FAF1: variants seen among roughly 807,000 people sequenced by gnomAD.
FAF1 encodes the protein Fas associated factor 1.
FAF1 carries 25 observed loss-of-function variants against 92.5 expected under a neutral mutation model. The observed-to-expected ratio is 0.27, with a 90% CI of 0.20 to 0.38. The LOEUF (loss-of-function observed/expected upper bound fraction) is 0.38. Ranked by LOEUF, FAF1 falls within the 10% of genes least tolerant of loss-of-function variation. The pLI, the probability that FAF1 is intolerant of heterozygous loss-of-function variation, is 1.00. For missense variants in FAF1, 636 were observed against 793.3 expected, an observed-to-expected ratio of 0.80 and a Z score of 2.38; for synonymous variants, 234 against 273.2, an observed-to-expected ratio of 0.86 and a Z score of 1.42.
At chr1:50,676,048 T>A (rs2124352652) in intron 7 of FAF1, among the ~76,000 whole-genome samples, 1 of 152,322 alleles carries the variant, frequency 6.6e-6, no homozygotes, top group Admixed American at 6.5e-5. Flanking sequence ...TCCTAACATT[T>A]CACACTGCCA....
intron 1 of FAF1, among the ~76,000 whole-genome samples, chr1:50,915,226 T>C (rs1054425064): frequency 3.9e-5 from 6 of 151,982 alleles, no homozygotes; most frequent in African/African-American, 1.4e-4. Flanking sequence ...CAAAATCAGC[T>C]GGCCACGGTG....
intron 2 of FAF1, among the ~76,000 whole-genome samples, chr1:50,844,449 T>C (rs1386760712): frequency 6.6e-6 from 1 of 151,974 alleles, no homozygotes; most frequent in Non-Finnish European, 1.5e-5. Context: ...TCCATAAACT[T>C]AATATATTGC....
chr1:50,662,734 C>G lies in FAF1; in HGVS notation c.658-7206G>C, dbSNP rs542096775. Among the ~76,000 whole-genome samples the G allele has an allele frequency of 7.9e-5, 10 of 126,066 alleles. No individual in the cohort carries two copies. The East Asian group carries it at 2.1e-3, about 27-fold the overall frequency. 82.7% of individuals were successfully genotyped at this position (126,066 alleles called of 152,430 possible). A position where few individuals can be genotyped will look rare whatever the true frequency, so the allele number is the denominator to read the frequency against. ...TTTTTGAGACGGAGTCTCCCTCTGTCGCGCCCAGGCTGGAGTGCAGCGGCG... is the reference window on the plus strand; with the variant it reads ...TTTTTGAGACGGAGTCTCCCTCTGTGGCGCCCAGGCTGGAGTGCAGCGGCG... On this transcript the variant is annotated intron_variant, in intron 7 of 18. Transcript: ENST00000396153.
chr1:50,463,837 T>A (rs1407378549), intron 18 of FAF1, among the ~76,000 whole-genome samples: 1 of 152,238 alleles, frequency 6.6e-6, no homozygotes, highest in East Asian at 1.9e-4. Flanking sequence ...CAGGCCCAAC[T>A]GTTCTTAAAA....
chr1:50,607,383 G>A lies in FAF1; in HGVS notation c.745-11167C>T, dbSNP rs551557684. ...TTATCACCTGTATGATGAAAAAATT[G>A]GACTAGATGATTCTCATGTTTTCTC... is the stretch of plus-strand genomic sequence containing the variant. On this transcript the variant is annotated intron_variant, in intron 8 of 18. Coordinates refer to ENST00000396153, the MANE Select transcript of FAF1 (RefSeq NM_007051.3). Among the ~76,000 whole-genome samples the A allele has an allele frequency of 5.4e-4, 82 of 152,170 alleles. 1 individual carries two copies. The highest frequency in any genetic ancestry group is 2.0e-3 in the African/African-American group (81 of 41,526).
At chr1:50,787,908 G>GC (rs1461661998) in intron 4 of FAF1, 92 bp downstream of exon 4, 2 of 1,043,960 alleles carry the variant, frequency 1.9e-6, no homozygotes, top group African/African-American at 3.2e-5. Context: ...TTCCCTTCTT[G>GC]CACTGGTAGT....
intron 15 of FAF1, among the ~76,000 whole-genome samples, chr1:50,526,841 T>TTGTTGTTA (rs1405648747): frequency 1.3e-5 from 2 of 151,932 alleles, no homozygotes; most frequent in Admixed American, 1.3e-4. Flanking sequence ...TTGCTAACAT[T>TTGTTGTTA]TGTTGTTACC....
rs1655800019 is a variant in FAF1 at position 50,670,031 on chromosome 1, G to GA, written c.658-14504dup. Among the ~76,000 whole-genome samples, 3 of 150,106 alleles carry GA rather than the reference G, an allele frequency of 2.0e-5. No individual in the cohort carries two copies. In the South Asian group the frequency reaches 6.3e-4, roughly 32 times the overall value. On this transcript the variant is annotated intron_variant, in intron 7 of 18. Coordinates refer to ENST00000396153, the MANE Select transcript of FAF1 (RefSeq NM_007051.3). The stretch of plus-strand genomic sequence containing the variant: ...AGCTACTTGGGAGGCTGAGGGAGGA[G>GA]AATCGCTTGAACAAGGGAGGTGGAG...
At chr1:50,528,299 G>T (rs1484433484) in intron 15 of FAF1, among the ~76,000 whole-genome samples, 2 of 152,026 alleles carry the variant, frequency 1.3e-5, no homozygotes, top group Non-Finnish European at 2.9e-5. Context: ...CTGGGATTTT[G>T]CATCTTCTCT....
At chr1:50,472,121 G>T (rs776418744) in intron 18 of FAF1, among the ~76,000 whole-genome samples, 24 of 151,978 alleles carry the variant, frequency 1.6e-4, no homozygotes, top group Non-Finnish European at 2.5e-4. Flanking sequence ...CTGGAGGGGA[G>T]CTGGGGGAGC....
chr1:50,788,293 G>T, intron 3 of FAF1, 88 bp from the exon 4 acceptor site: 1 of 1,100,712 alleles, frequency 9.1e-7, no homozygotes, highest in Non-Finnish European at 1.4e-6. Flanking sequence ...GGCTTGTGTT[G>T]TTCTTCCTAT....
intron 1 of FAF1, among the ~76,000 whole-genome samples, chr1:50,895,752 T>C (rs1644752891): frequency 6.6e-6 from 1 of 152,090 alleles, no homozygotes; most frequent in Non-Finnish European, 1.5e-5. Flanking sequence ...CAAATCAATC[T>C]ATGTGACACA....
chr1:50,910,465 C>T (rs2124721079), intron 1 of FAF1, among the ~76,000 whole-genome samples: 1 of 152,352 alleles, frequency 6.6e-6, no homozygotes, highest in African/African-American at 2.4e-5. Flanking sequence ...TTTTGTTCAA[C>T]TGTGCCCTGC....
intron 13 of FAF1, among the ~76,000 whole-genome samples, chr1:50,562,083 G>C (rs1381801753): frequency 6.6e-6 from 1 of 152,168 alleles, no homozygotes; most frequent in Non-Finnish European, 1.5e-5. Context: ...GGAGAGGCAA[G>C]ACTTCCCAGA....
At chr1:50,766,518 C>T (rs993793306) in intron 4 of FAF1, among the ~76,000 whole-genome samples, 1 of 151,842 alleles carries the variant, frequency 6.6e-6, no homozygotes, top group African/African-American at 2.4e-5. Context: ...TCTGCTGCCA[C>T]CAAGAGACTG....
chr1:50,702,004 T>C (rs1296544122), intron 7 of FAF1, among the ~76,000 whole-genome samples: 1 of 152,090 alleles, frequency 6.6e-6, no homozygotes, highest in Non-Finnish European at 1.5e-5. Context: ...AATTCTGCAC[T>C]AAAAATACTT....
chr1:50,795,387 C>T (rs1661712537), intron 3 of FAF1, among the ~76,000 whole-genome samples: 1 of 152,150 alleles, frequency 6.6e-6, no homozygotes, highest in African/African-American at 2.4e-5. Context: ...TGATGGCTTC[C>T]CACACAACCT....
intron 6 of FAF1, among the ~76,000 whole-genome samples, chr1:50,724,436 G>A (rs944474372): frequency 2.6e-5 from 4 of 152,034 alleles, no homozygotes; most frequent in African/African-American, 9.7e-5. Context: ...CAGAGATAAA[G>A]AGTATTTCAG....
At chr1:50,453,703 C>T (rs1293323140) in intron 18 of FAF1, among the ~76,000 whole-genome samples, 2 of 152,186 alleles carry the variant, frequency 1.3e-5, no homozygotes, top group African/African-American at 4.8e-5. Context: ...AACTCCTGGG[C>T]TTAAGCAAAA....
Sources: gnomAD v4.1 joint callset for allele counts (sites outside exome capture counted in the v4.1 genomes callset) on GRCh38, gnomAD v4.1.1 for gene constraint, MANE v1.5 for transcripts, NCBI Gene and HGNC (gene_info 2026-07-23, HGNC 2026-07-21) for gene names.